Variants in C4orf50 observed in about 807,000 individuals in gnomAD.
C4orf50 encodes the protein chromosome 4 open reading frame 50, also known as uncharacterized protein C4orf50.
Under a neutral mutation model 77.2 loss-of-function variants are expected in C4orf50, and 80 were observed. That is an observed-to-expected ratio of 1.04 (90% confidence interval 0.87 to 1.25). C4orf50 has a LOEUF of 1.25. Ranked by LOEUF, C4orf50 falls within the 50% of genes most tolerant of loss-of-function variation. The pLI, the probability that C4orf50 is intolerant of heterozygous loss-of-function variation, is 0.00. For missense variants in C4orf50, 1,257 were observed against 1,152.9 expected (o/e 1.09, Z -1.31); for synonymous variants, 532 against 465.3 (o/e 1.14, Z -1.84).
intron 7 of C4orf50, among the ~76,000 whole-genome samples, chr4:5,924,099 G>C (rs1436884721): frequency 6.6e-6 from 1 of 152,168 alleles, no homozygotes; most frequent in East Asian, 1.9e-4. Context: ...ATTGAAGTCT[G>C]CACTGTCAGC....
chr4:6,003,860 G>GTGATGGTCATGATGGTGA (rs1721991804), intron 25 of C4orf50, among the ~76,000 whole-genome samples: 1 of 57,506 alleles, frequency 1.7e-5, no homozygotes, highest in Non-Finnish European at 3.6e-5. Flanking sequence ...GGTGATGATG[G>GTGATGGTCATGATGGTGA]TGATGGTGAT....
chr4:5,975,139 C>CAAAAAAAAAAAAAA lies in C4orf50; in HGVS notation c.3921+746_3921+759dup, dbSNP rs763836859. Among the ~76,000 whole-genome samples, 5 of 82,868 alleles carry CAAAAAAAAAAAAAA rather than the reference C, an allele frequency of 6.0e-5. 1 individual carries two copies. The highest frequency in any genetic ancestry group is 1.2e-4 in the Non-Finnish European group (5 of 41,530). 54.4% of individuals were successfully genotyped at this position (82,868 alleles called of 152,430 possible). A position where few individuals can be genotyped will look rare whatever the true frequency, so the allele number is the denominator to read the frequency against. ...TGGGCGACAGAGTGACACTCCATCT[C>CAAAAAAAAAAAAAA]AAAAAAAAAAAAAAAAAAAAAAAAA... On this transcript the variant is annotated intron_variant, in intron 30 of 33. Coordinates refer to ENST00000531445, the Ensembl canonical transcript of C4orf50.
intron 25 of C4orf50, among the ~76,000 whole-genome samples, 164 bp from the exon 4 acceptor site, chr4:5,994,640 C>G (rs28463856): frequency 0.017 from 2,560 of 152,302 alleles, 53 homozygotes; most frequent in African/African-American, 0.058. Context: ...GCAGCCCAGC[C>G]CCGGCCTTGT....
At chr4:6,003,429 T>C (rs1271793631) in intron 25 of C4orf50, among the ~76,000 whole-genome samples, 2 of 151,312 alleles carry the variant, frequency 1.3e-5, no homozygotes, top group Non-Finnish European at 2.9e-5. Context: ...AGGGTGGCAA[T>C]GGTGATGGTG....
chr4:6,011,357 C>T lies in C4orf50; in HGVS notation c.426+473G>A, dbSNP rs1450516260. Among the ~76,000 whole-genome samples, 4 of 152,122 alleles carry T rather than the reference C, an allele frequency of 2.6e-5. No homozygotes were observed. Among genetic ancestry groups the T allele is most frequent in the Non-Finnish European group, 2.9e-5 (2 of 68,012 alleles). The stretch of plus-strand genomic sequence containing the variant: ...TGCTACGGCCCCGTGCTGTCAGCCA[C>T]GCCTCACATGCCCTTCCCAACAAGG... On this transcript the variant is annotated intron_variant, in intron 24 of 33. Coordinates refer to ENST00000531445, the Ensembl canonical transcript of C4orf50. This position sits in a 1 kb window ranked among gnomAD's most constrained non-coding sequence, Gnocchi z 4.2.
Position 6,011,324 on chromosome 4 carries a change from C to A in C4orf50, c.426+506G>T, listed in dbSNP as rs1413635154. Among the ~76,000 whole-genome samples, 1 of 152,126 alleles carries A rather than the reference C, an allele frequency of 6.6e-6. No individual in the cohort carries two copies. The highest frequency in any genetic ancestry group is 2.4e-5 in the African/African-American group (1 of 41,424). On this transcript the variant is annotated intron_variant, in intron 24 of 33. Coordinates refer to ENST00000531445, the Ensembl canonical transcript of C4orf50. This position sits in a 1 kb window ranked among gnomAD's most constrained non-coding sequence, Gnocchi z 4.2. Reference sequence around the variant, plus strand: ...CGGTGATATCCTCTGTGTTCTCCCACACCTCTGTGCTACGGCCCCGTGCTG... The same window carrying A: ...CGGTGATATCCTCTGTGTTCTCCCAAACCTCTGTGCTACGGCCCCGTGCTG...
At chr4:5,979,225 G>A (rs76660965) in intron 29 of C4orf50, among the ~76,000 whole-genome samples, 3,924 of 152,178 alleles carry the variant, frequency 0.026, 157 homozygotes, top group African/African-American at 0.089. Context: ...AGTATATGCC[G>A]AGAGAGAAAT....
chr4:5,982,660 C>T (rs1720656085), intron 28 of C4orf50, among the ~76,000 whole-genome samples: 1 of 152,138 alleles, frequency 6.6e-6, no homozygotes, highest in East Asian at 1.9e-4. Context: ...CGTGAATATT[C>T]CCACCATGAC....
chr4:5,986,864 G>C (rs1168414369), intron 28 of C4orf50, among the ~76,000 whole-genome samples: 2 of 152,052 alleles, frequency 1.3e-5, no homozygotes, highest in Non-Finnish European at 2.9e-5. Flanking sequence ...AGGCAATTTT[G>C]AGGAATAAAT....
chr4:5,998,336 T>C (rs1721686063), intron 25 of C4orf50, among the ~76,000 whole-genome samples: 1 of 152,204 alleles, frequency 6.6e-6, no homozygotes, highest in South Asian at 2.1e-4. Flanking sequence ...GTTCATCCCT[T>C]TTGCCTATTT....
At chr4:5,960,605 C>G (rs1452899062) in intron 33 of C4orf50, among the ~76,000 whole-genome samples, 1 of 152,208 alleles carries the variant, frequency 6.6e-6, no homozygotes, top group Non-Finnish European at 1.5e-5. Context: ...ACTTCCAATC[C>G]AGTGGGAGAG....
intron 7 of C4orf50, among the ~76,000 whole-genome samples, chr4:5,912,256 C>CGTGTGTGTGT (rs58017259): frequency 0.02 from 2,939 of 146,380 alleles, 51 homozygotes; most frequent in African/African-American, 0.047. Flanking sequence ...GCACTCCACT[C>CGTGTGTGTGT]GTGTGTGTGT....
chr4:5,959,563 G>C (rs374743061), exon 34 of C4orf50: 3 of 1,614,048 alleles, frequency 1.9e-6, no homozygotes, highest in Non-Finnish European at 2.5e-6. Flanking sequence ...GGGAGACCTG[G>C]TTCCACAGTG....
chr4:5,959,661 T>G (rs1163860667), intron 33 of C4orf50, 35 bp from the exon 12 acceptor site: 6 of 1,580,844 alleles, frequency 3.8e-6, no homozygotes, highest in Non-Finnish European at 4.3e-6. Flanking sequence ...GGTCTCTGCG[T>G]CCACATGTTT....
chr4:5,909,951 AT>A (rs113624641), intron 7 of C4orf50, among the ~76,000 whole-genome samples: 265 of 151,930 alleles, frequency 1.7e-3, no homozygotes, highest in African/African-American at 5.9e-3. Context: ...AGCCCCCAGC[AT>A]TTTTTCCCCC....
chr4:5,922,822 A>G (rs1016072882), intron 7 of C4orf50, among the ~76,000 whole-genome samples: 1 of 152,204 alleles, frequency 6.6e-6, no homozygotes, highest in African/African-American at 2.4e-5. Context: ...CCTGGCTCCA[A>G]GTAACACACA....
At chr4:5,954,180 T>C (rs1418024914), downstream of C4orf50, among the ~76,000 whole-genome samples, 5 of 152,092 alleles carry the variant, frequency 3.3e-5, no homozygotes, top group Non-Finnish European at 2.9e-5. The surrounding 1 kb of genome is among the most constrained non-coding windows in gnomAD (Gnocchi z 4.7). Context: ...GGATGGACTA[T>C]CAGTGACAAC....
At chr4:5,984,700 AT>A (rs1257572044) in intron 28 of C4orf50, among the ~76,000 whole-genome samples, 2 of 152,170 alleles carry the variant, frequency 1.3e-5, no homozygotes, top group East Asian at 3.8e-4. Context: ...CTGATACAGG[AT>A]TTTTGAAAGA....
chr4:5,903,617 G>T (rs941225374), intron 7 of C4orf50: 1 of 152,154 alleles, frequency 6.6e-6, no homozygotes, highest in Non-Finnish European at 1.5e-5. Context: ...GGAAGTAGAA[G>T]GGTGGGTGCC....
Sources: allele counts gnomAD v4.1 joint callset (sites outside exome capture counted in the v4.1 genomes callset), GRCh38; gene constraint gnomAD v4.1.1; non-coding constraint Gnocchi (gnomAD v3.1); transcripts MANE v1.5; gene names NCBI Gene and HGNC (gene_info 2026-07-23, HGNC 2026-07-21).